TNFAIP8: variants seen among roughly 807,000 people sequenced by gnomAD.
TNFAIP8 encodes tumor necrosis factor alpha-induced protein 8.
Under a neutral mutation model 13.3 loss-of-function variants are expected in TNFAIP8, and 7 were observed. That is an observed-to-expected ratio of 0.52 (90% CI 0.30 to 0.99). TNFAIP8 has a LOEUF of 0.99. Among genes scored for constraint, TNFAIP8 ranks in the 50% least tolerant of loss-of-function variants. The pLI, the probability that TNFAIP8 is intolerant of heterozygous loss-of-function variation, is 0.07. For missense variants in TNFAIP8, 258 were observed against 236.9 expected, an observed-to-expected ratio of 1.09 and a Z score of -0.58; for synonymous variants, 94 against 87.6, an observed-to-expected ratio of 1.07 and a Z score of -0.41.
In TNFAIP8 at chr5:119,268,893, G is replaced by A. The variant is rs1264998581; in HGVS notation, c.-14G>A. 9 of 701,544 alleles carry A rather than the reference G, an allele frequency of 1.3e-5. No individual in the cohort carries two copies. The East Asian group carries it at 1.9e-4, about 15-fold the overall frequency. The allele number at this position is 701,544 out of a possible 1,614,324, so 43.5% of individuals were successfully genotyped here. On this transcript the variant is annotated 5_prime_UTR_variant, in exon 1 of 2. Coordinates refer to the TNFAIP8 transcript ENST00000274456. ...CGCGCTTCAGCGTCCCGGCGCCGTC[G>A]CGCCACTCCTCCGAGTAAGTGGCTC...
intron 1 of TNFAIP8, among the ~76,000 whole-genome samples, chr5:119,297,710 A>G (rs1422185802): frequency 2.0e-5 from 3 of 152,290 alleles, no homozygotes; most frequent in Admixed American, 6.5e-5. Flanking sequence ...GTTGGGTGTT[A>G]AAGTCTCCCA....
chr5:119,268,962 C>T (rs770774256), intron 1 of TNFAIP8: 51 of 671,304 alleles, frequency 7.6e-5, no homozygotes, highest in Non-Finnish European at 1.3e-4. Context: ...GCCTCTCCCG[C>T]CGCTGGGCTG....
chr5:119,312,832 C>CAG (rs1349715589), intron 1 of TNFAIP8, among the ~76,000 whole-genome samples: 6 of 150,480 alleles, frequency 4.0e-5, no homozygotes, highest in African/African-American at 4.9e-5. Context: ...TACCAAAGGG[C>CAG]AGAGGTTAGC....
intron 1 of TNFAIP8, among the ~76,000 whole-genome samples, chr5:119,376,151 G>C (rs1235333928): frequency 6.7e-6 from 1 of 149,326 alleles, no homozygotes; most frequent in Non-Finnish European, 1.5e-5. Context: ...ATCTTGCTCT[G>C]TTGCCCAGAC....
chr5:119,303,595 A>T (rs149831030), intron 1 of TNFAIP8, among the ~76,000 whole-genome samples: 11 of 152,342 alleles, frequency 7.2e-5, no homozygotes, highest in Non-Finnish European at 1.6e-4. Flanking sequence ...GTGTAATGGC[A>T]TATTAACCGG....
chr5:119,326,119 C>T (rs540819432), intron 1 of TNFAIP8, among the ~76,000 whole-genome samples: 1 of 152,302 alleles, frequency 6.6e-6, no homozygotes, highest in East Asian at 1.9e-4. Flanking sequence ...GCCTACCATT[C>T]AGTAGGTACT....
chr5:119,372,351 A>G (rs1752113975), intron 1 of TNFAIP8, among the ~76,000 whole-genome samples: 3 of 151,584 alleles, frequency 2.0e-5, no homozygotes, highest in Non-Finnish European at 4.4e-5. Flanking sequence ...AATACTAGAA[A>G]TCACATCAAG....
At chr5:119,321,708 C>T (rs1307610899) in intron 1 of TNFAIP8, among the ~76,000 whole-genome samples, 1 of 152,208 alleles carries the variant, frequency 6.6e-6, no homozygotes, top group Non-Finnish European at 1.5e-5. Context: ...CACTTCTCTT[C>T]TGGGTAGCCT....
chr5:119,354,009 A>G (rs561623647), upstream of TNFAIP8, among the ~76,000 whole-genome samples: 1 of 152,344 alleles, frequency 6.6e-6, no homozygotes, highest in Non-Finnish European at 1.5e-5. Context: ...GCAGTGAGGA[A>G]GGGCAAGGAT....
chr5:119,309,257 T>C (rs1467629482), intron 1 of TNFAIP8, among the ~76,000 whole-genome samples: 1 of 152,232 alleles, frequency 6.6e-6, no homozygotes, highest in African/African-American at 2.4e-5. Context: ...TGAGGGCTTT[T>C]CTGTGGGTGC....
At chr5:119,383,220 A>C (rs188294225) in intron 1 of TNFAIP8, among the ~76,000 whole-genome samples, 13 of 152,296 alleles carry the variant, frequency 8.5e-5, no homozygotes, top group African/African-American at 2.9e-4. Context: ...TCAGGTCTTG[A>C]ATATTTAGGT....
At chr5:119,298,886 C>T (rs2112646942) in intron 1 of TNFAIP8, among the ~76,000 whole-genome samples, 1 of 152,334 alleles carries the variant, frequency 6.6e-6, no homozygotes, top group East Asian at 1.9e-4. Flanking sequence ...CCCTTTCTTC[C>T]AGTTGATCTC....
chr5:119,395,747 C>T lies in TNFAIP8; in HGVS notation c.*2366C>T, dbSNP rs553396792. On this transcript the variant is annotated 3_prime_UTR_variant, in exon 2 of 2. Coordinates refer to ENST00000504771, the MANE Select transcript of TNFAIP8 (RefSeq NM_014350.4). ...GTTCATTTCTAATACAATAGGACTC[C>T]CCTTGAGCATTTAGGGTGGCAAGGA... 2 of 152,252 alleles carry T rather than the reference C, an allele frequency of 1.3e-5. No individual in the cohort carries two copies. The highest frequency in any genetic ancestry group is 4.1e-4 in the South Asian group (2 of 4,820). The allele number at this position is 152,252 out of a possible 1,614,324, so 9.4% of individuals were successfully genotyped here. A position where few individuals can be genotyped will look rare whatever the true frequency, so the allele number is the denominator to read the frequency against.
intron 1 of TNFAIP8, among the ~76,000 whole-genome samples, chr5:119,357,081 T>A (rs1478389577): frequency 6.6e-6 from 1 of 152,198 alleles, no homozygotes; most frequent in East Asian, 1.9e-4. Flanking sequence ...TAGACACCAG[T>A]TAGGAAGAGC....
Position 119,273,617 on chromosome 5 carries a change from A to G in TNFAIP8, c.1+4710A>G, listed in dbSNP as rs185339279. ...CATGAGGGAAGCTTTCAAAAGACCTATTACAGTTAAATTGTGAGCAGTGGG... is the reference window on the plus strand; with the variant it reads ...CATGAGGGAAGCTTTCAAAAGACCTGTTACAGTTAAATTGTGAGCAGTGGG... On this transcript the variant is annotated intron_variant, in intron 1 of 1. Transcript: ENST00000274456. Among the ~76,000 whole-genome samples, 383 of 152,330 alleles carry G rather than the reference A, an allele frequency of 2.5e-3. 6 individuals carry two copies. Among genetic ancestry groups the G allele is most frequent in the African/African-American group, 8.9e-3 (370 of 41,566 alleles).
chr5:119,391,232 C>T, intron 1 of TNFAIP8: 1 of 538,464 alleles, frequency 1.9e-6, no homozygotes, highest in African/African-American at 1.9e-5. Context: ...TGCCTTTTTG[C>T]TTCCTAATGA....
At chr5:119,317,492 A>G (rs1399892719) in intron 1 of TNFAIP8, among the ~76,000 whole-genome samples, 1 of 151,390 alleles carries the variant, frequency 6.6e-6, no homozygotes, top group East Asian at 1.9e-4. Context: ...AATTGTATCA[A>G]AATCAGTTTT....
chr5:119,352,070 G>A (rs1751188735), upstream of TNFAIP8, among the ~76,000 whole-genome samples: 1 of 152,272 alleles, frequency 6.6e-6, no homozygotes, highest in Middle Eastern at 3.4e-3. Flanking sequence ...TTACAGGGGT[G>A]AGCCACTGTG....
At chr5:119,378,990 G>A (rs1043140357) in intron 1 of TNFAIP8, among the ~76,000 whole-genome samples, 23 of 152,252 alleles carry the variant, frequency 1.5e-4, no homozygotes, top group African/African-American at 5.5e-4. Flanking sequence ...TTGAGCCCAG[G>A]AGTTCAAGGT....
Sources: allele counts gnomAD v4.1 joint callset (sites outside exome capture counted in the v4.1 genomes callset), GRCh38; gene constraint gnomAD v4.1.1; transcripts MANE v1.5; gene names NCBI Gene and HGNC (gene_info 2026-07-23, HGNC 2026-07-21).